The following DNAH14 variants were observed in gnomAD, a reference collection of about 807,000 sequenced individuals.
The protein encoded by DNAH14 is dynein axonemal heavy chain 14, also known as axonemal beta dynein heavy chain 14.
In DNAH14, 478 loss-of-function variants were observed where a neutral mutation model predicts 520.9. The observed-to-expected ratio is 0.92, with a 90% CI of 0.85 to 0.99. DNAH14 has a LOEUF of 0.99. Ranked by LOEUF, DNAH14 falls within the 50% of genes least tolerant of loss-of-function variation. The probability of loss-of-function intolerance (pLI) is 0.00; values close to 1 mark genes in which losing one functional copy is unlikely to be tolerated. For missense variants in DNAH14, 4,831 were observed against 5,234.5 expected (o/e 0.92, Z 2.38); for synonymous variants, 1,581 against 1,757.2 (o/e 0.90, Z 2.51).
intron 59 of DNAH14, 86 bp downstream of exon 59, chr1:225,307,655 A>T: frequency 9.9e-7 from 1 of 1,014,710 alleles, no homozygotes; most frequent in South Asian, 2.2e-5. Flanking sequence ...TACCTGACAA[A>T]GACAGGCTAG....
chr1:224,975,310 C>A (rs547359654), intron 8 of DNAH14, among the ~76,000 whole-genome samples: 22 of 152,026 alleles, frequency 1.4e-4, no homozygotes, highest in African/African-American at 5.3e-4. Context: ...AGTACCAGTT[C>A]CTCCTTGTAC....
At chr1:224,939,791 C>T (rs956494170) in intron 1 of DNAH14, among the ~76,000 whole-genome samples, 2 of 152,132 alleles carry the variant, frequency 1.3e-5, no homozygotes, top group African/African-American at 2.4e-5. Flanking sequence ...ATCTGTGAAC[C>T]TCTTTGATAT....
chr1:225,080,870 G>A, intron 19 of DNAH14, 122 bp downstream of exon 19: 1 of 1,031,754 alleles, frequency 9.7e-7, no homozygotes, highest in South Asian at 1.9e-5. Context: ...TATGGCTAGA[G>A]CTACAATACA....
chr1:225,025,962 C>A (rs541226830), intron 11 of DNAH14, among the ~76,000 whole-genome samples: 1 of 151,956 alleles, frequency 6.6e-6, no homozygotes, highest in East Asian at 1.9e-4. Context: ...GAGGAAATAT[C>A]TATTCAAACT....
In DNAH14 at chr1:225,303,272, G is replaced by A; in HGVS notation, c.8748G>A (p.Glu2916=). ...GCTCCTGCACGATCGATTGGTATGA[G>A]AGGTGGCCAGAAGAAGCTCTCCTTA... ...MISSCTIDWY[E]RWPEEALLIV... Residue 2916 remains glutamate (E), a synonymous_variant, in exon 57 of 86, where the codon GAG becomes GAA. Transcript: ENST00000682510. 6.4e-7 allele frequency: 1 copy of A among 1,551,512 alleles called. No homozygotes were observed.
chr1:225,368,098 A>C, intron 77 of DNAH14, 66 bp downstream of exon 77: 12 of 1,317,582 alleles, frequency 9.1e-6, no homozygotes, highest in Non-Finnish European at 1.2e-5. Flanking sequence ...AGAGCCTACT[A>C]TGTGCCTACA....
chr1:225,161,486 G>A (rs1366045897), intron 35 of DNAH14, among the ~76,000 whole-genome samples: 4 of 152,122 alleles, frequency 2.6e-5, no homozygotes, highest in Non-Finnish European at 4.4e-5. Context: ...ATGCAGATAT[G>A]TCTTCGATAT....
chr1:225,360,969 T>C, intron 75 of DNAH14, 78 bp downstream of exon 75: 1 of 1,309,772 alleles, frequency 7.6e-7, no homozygotes, highest in South Asian at 1.4e-5. Flanking sequence ...TGTCAATGTA[T>C]ACTGTGTGTA....
chr1:225,174,447 A>T (rs534584527), intron 36 of DNAH14, among the ~76,000 whole-genome samples: 1 of 152,134 alleles, frequency 6.6e-6, no homozygotes, highest in Non-Finnish European at 1.5e-5. Flanking sequence ...TATAAATGGA[A>T]TGCTTTCTTA....
In DNAH14 at chr1:225,218,883, T is replaced by G. The variant is rs577294165; in HGVS notation, c.6439+11663T>G. Among the ~76,000 whole-genome samples, 9 of 152,268 alleles carry G rather than the reference T, an allele frequency of 5.9e-5. No homozygotes were observed. The East Asian group carries it at 1.7e-3, about 29-fold the overall frequency. Reference sequence around the variant, plus strand: ...TCTTCTCAGCACCACATCACACTTTTTCTAAAATTGACCACATAATTTGAA... The same window carrying G: ...TCTTCTCAGCACCACATCACACTTTGTCTAAAATTGACCACATAATTTGAA... On this transcript the variant is annotated intron_variant, in intron 41 of 85. Coordinates refer to ENST00000682510, the MANE Select transcript of DNAH14 (RefSeq NM_001367479.1).
chr1:225,045,900 A>G (rs2067915048), intron 15 of DNAH14, among the ~76,000 whole-genome samples: 1 of 152,086 alleles, frequency 6.6e-6, no homozygotes, highest in African/African-American at 2.4e-5. Context: ...TTTGCCCACT[A>G]ATTCTAACAT....
chr1:225,244,360 G>A (rs1490767453), intron 43 of DNAH14, among the ~76,000 whole-genome samples: 1 of 152,088 alleles, frequency 6.6e-6, no homozygotes, highest in African/African-American at 2.4e-5. Flanking sequence ...GATGATGCTG[G>A]CCTCATAAAA....
chr1:225,038,800 A>G lies in DNAH14; in HGVS notation c.1465A>G (p.Lys489Glu), dbSNP rs2067193943. Residue 489 changes from lysine to glutamate, a missense_variant, in exon 12 of 86, where the codon AAA (lysine) becomes GAA (glutamate). Transcript: ENST00000682510. ...TATTTCTGTTCAAAAGTCAGAAGTA[A>G]AAACAGACACTGATATTAATGAGGT... ...HAISVQKSEV[K>E]TDTDINEILN... The G allele has an allele frequency of 6.6e-7, 1 of 1,507,260 alleles. No individual in the cohort carries two copies. Among genetic ancestry groups the G allele is most frequent in the Non-Finnish European group, 8.8e-7 (1 of 1,130,414 alleles). The allele number at this position is 1,507,260 out of a possible 1,614,324, so 93.4% of individuals were successfully genotyped here. A position where few individuals can be genotyped will look rare whatever the true frequency, so the allele number is the denominator to read the frequency against.
intron 23 of DNAH14, among the ~76,000 whole-genome samples, chr1:225,113,345 C>G (rs1394337670): frequency 1.3e-5 from 2 of 152,208 alleles, no homozygotes; most frequent in East Asian, 1.9e-4. Context: ...GAGTCATTCT[C>G]TGTGTGCTGA....
intron 35 of DNAH14, among the ~76,000 whole-genome samples, chr1:225,163,314 T>G (rs2081715568): frequency 6.6e-6 from 1 of 152,232 alleles, no homozygotes; most frequent in East Asian, 1.9e-4. Flanking sequence ...CAATGATAAT[T>G]TGACTTCTTC....
At chr1:225,242,808 C>T (rs975079884) in intron 43 of DNAH14, among the ~76,000 whole-genome samples, 1 of 152,138 alleles carries the variant, frequency 6.6e-6, no homozygotes, top group Admixed American at 6.5e-5. Context: ...CCAGCATCAC[C>T]ACAAAGATAA....
intron 23 of DNAH14, among the ~76,000 whole-genome samples, chr1:225,107,101 G>C (rs1160208316): frequency 6.6e-6 from 1 of 152,196 alleles, no homozygotes; most frequent in Non-Finnish European, 1.5e-5. Flanking sequence ...TAACAGTCAG[G>C]ACCCTCAGCT....
In DNAH14 at chr1:225,206,065, C is replaced by G. The variant is rs939724220; in HGVS notation, c.6072C>G (p.Cys2024Trp). Residue 2024 changes from cysteine to tryptophan, a missense_variant, in exon 40 of 86, where the codon TGC (cysteine) becomes TGG (tryptophan). Cys to Trp is a radical substitution (Grantham distance 215, BLOSUM62 -2). Transcript: ENST00000682510. Reference sequence around the variant, plus strand: ...TGCTAGATGATACTAGAACATTGTGCCTAGCAAACAGTGAGAGAATAGCTT... The same window carrying G: ...TGCTAGATGATACTAGAACATTGTGGCTAGCAAACAGTGAGAGAATAGCTT... ...NSVLDDTRTL[C>W]LANSERIALT... 6.4e-7 allele frequency: 1 copy of G among 1,551,346 alleles called. No individual in the cohort carries two copies. Among genetic ancestry groups the G allele is most frequent in the African/African-American group, 1.4e-5 (1 of 72,998 alleles).
chr1:224,989,383 A>G (rs925098565), intron 8 of DNAH14, among the ~76,000 whole-genome samples: 1 of 152,218 alleles, frequency 6.6e-6, no homozygotes, highest in Non-Finnish European at 1.5e-5. Flanking sequence ...CATTGCTAGT[A>G]TATAGAAACA....
Sources: gnomAD v4.1 joint callset for allele counts (sites outside exome capture counted in the v4.1 genomes callset) on GRCh38, gnomAD v4.1.1 for gene constraint, MANE v1.5 for transcripts, NCBI Gene and HGNC (gene_info 2026-07-23, HGNC 2026-07-21) for gene names.